Variants in CSMD3 observed in about 807,000 individuals in gnomAD.
The protein encoded by CSMD3 is CUB and sushi domain-containing protein 3.
In CSMD3, 177 loss-of-function variants were observed where a neutral mutation model predicts 435.2. The observed-to-expected ratio is 0.41, with a 90% CI of 0.36 to 0.46. The LOEUF (loss-of-function observed/expected upper bound fraction) is 0.46, where lower values mean the gene tolerates loss of function less well. Ranked by LOEUF, CSMD3 falls within the 20% of genes least tolerant of loss-of-function variation. CSMD3 has a pLI of 0.34. For synonymous variants in CSMD3, 1,656 were observed against 1,520.5 expected, an observed-to-expected ratio of 1.09 and a Z score of -2.07; for missense variants, 4,265 against 4,504.6, an observed-to-expected ratio of 0.95 and a Z score of 1.52.
intron 24 of CSMD3, among the ~76,000 whole-genome samples, chr8:112,558,534 C>T (rs763445109): frequency 5.9e-5 from 9 of 151,768 alleles, no homozygotes; most frequent in Non-Finnish European, 8.8e-5. Context: ...CTGAAGGCTC[C>T]CATGTCATAT....
At chr8:113,170,916 G>A (rs2092256479) in intron 4 of CSMD3, among the ~76,000 whole-genome samples, 1 of 151,846 alleles carries the variant, frequency 6.6e-6, no homozygotes, top group Non-Finnish European at 1.5e-5. Context: ...AGTTAGAGTG[G>A]TGGTCAAATC....
At chr8:113,284,284 A>C (rs6993801) in intron 2 of CSMD3, among the ~76,000 whole-genome samples, 20,630 of 152,070 alleles carry the variant, frequency 0.14, 2,516 homozygotes, top group African/African-American at 0.32. Context: ...TGCTTCTGTC[A>C]ATGTATGTCA....
intron 63 of CSMD3, 86 bp from the exon 64 acceptor site, chr8:112,247,217 C>A: frequency 1.2e-6 from 1 of 803,236 alleles, no homozygotes; most frequent in Non-Finnish European, 2.2e-6. Flanking sequence ...AAAATGTTAT[C>A]AAGTGAAATT....
At chr8:113,030,494 C>G (rs1036308701) in intron 5 of CSMD3, among the ~76,000 whole-genome samples, 2 of 145,392 alleles carry the variant, frequency 1.4e-5, no homozygotes, top group East Asian at 2.0e-4. Context: ...AGAAATAAAC[C>G]CAAATCCTTA....
chr8:112,458,437 T>C (rs1368753758), intron 32 of CSMD3, among the ~76,000 whole-genome samples: 1 of 152,064 alleles, frequency 6.6e-6, no homozygotes, highest in Non-Finnish European at 1.5e-5. Flanking sequence ...GAAATGTCTC[T>C]AGAGTAGATA....
At chr8:113,065,549 G>A (rs990977484) in intron 5 of CSMD3, among the ~76,000 whole-genome samples, 1 of 151,962 alleles carries the variant, frequency 6.6e-6, no homozygotes, top group African/African-American at 2.4e-5. Flanking sequence ...ACCACGCCTG[G>A]CTAATTTTTT....
intron 1 of CSMD3, among the ~76,000 whole-genome samples, chr8:113,388,599 G>A (rs16884596): frequency 0.023 from 3,408 of 151,398 alleles, 114 homozygotes; most frequent in African/African-American, 0.077. Flanking sequence ...ACCACACATG[G>A]TAGTTATATT....
At chr8:112,943,917 A>T (rs1160404934) in intron 9 of CSMD3, among the ~76,000 whole-genome samples, 1 of 151,686 alleles carries the variant, frequency 6.6e-6, no homozygotes, top group Non-Finnish European at 1.5e-5. Flanking sequence ...AAGAATTACT[A>T]GCAAGTTCCC....
chr8:112,768,237 TAATA>T (rs1369323463), intron 13 of CSMD3, among the ~76,000 whole-genome samples: 2 of 151,758 alleles, frequency 1.3e-5, no homozygotes, highest in African/African-American at 4.8e-5. Flanking sequence ...AATAAAGATT[TAATA>T]AATATGTCAG....
chr8:112,747,831 C>T (rs1335827599), intron 13 of CSMD3, among the ~76,000 whole-genome samples: 1 of 151,842 alleles, frequency 6.6e-6, no homozygotes, highest in Non-Finnish European at 1.5e-5. Flanking sequence ...GGCGCAGTGG[C>T]GGGCGCCTAT....
chr8:112,711,329 T>C (rs926518819), intron 13 of CSMD3, among the ~76,000 whole-genome samples: 1 of 151,976 alleles, frequency 6.6e-6, no homozygotes, highest in Non-Finnish European at 1.5e-5. Flanking sequence ...AGAGGCACCA[T>C]TAAACAAGCG....
At chr8:112,339,942 G>T (rs541805167) in intron 42 of CSMD3, among the ~76,000 whole-genome samples, 60 of 152,182 alleles carry the variant, frequency 3.9e-4, no homozygotes, top group Non-Finnish European at 7.8e-4. Context: ...CAGTAACAGT[G>T]AAAAAAGTTT....
At chr8:112,582,281 T>C (rs924488291) in intron 23 of CSMD3, among the ~76,000 whole-genome samples, 2 of 152,048 alleles carry the variant, frequency 1.3e-5, no homozygotes, top group African/African-American at 4.8e-5. Flanking sequence ...ATTGTGAGCT[T>C]CCTGAGGTCC....
At chr8:112,676,015 G>A (rs185875161) in intron 16 of CSMD3, among the ~76,000 whole-genome samples, 1 of 152,180 alleles carries the variant, frequency 6.6e-6, no homozygotes, top group South Asian at 2.1e-4. Context: ...GATAAAGACC[G>A]AAGAATTTTG....
At chr8:112,501,791 T>G (rs2130905110) in intron 30 of CSMD3, among the ~76,000 whole-genome samples, 1 of 152,316 alleles carries the variant, frequency 6.6e-6, no homozygotes, top group South Asian at 2.1e-4. Flanking sequence ...CAGAACAACC[T>G]AAATGTCTAT....
chr8:112,293,013 T>G (rs2130694639), intron 54 of CSMD3, among the ~76,000 whole-genome samples: 1 of 152,202 alleles, frequency 6.6e-6, no homozygotes, highest in African/African-American at 2.4e-5. Context: ...CTCTCTACTT[T>G]ATTGGGGAGG....
At chr8:112,799,206 T>C (rs2078902297) in intron 13 of CSMD3, among the ~76,000 whole-genome samples, 1 of 151,720 alleles carries the variant, frequency 6.6e-6, no homozygotes, top group African/African-American at 2.4e-5. Context: ...CCAAATTTAG[T>C]CACACAAAAA....
chr8:113,346,266 T>G (rs1169757451), intron 1 of CSMD3, among the ~76,000 whole-genome samples: 4 of 152,044 alleles, frequency 2.6e-5, no homozygotes, highest in African/African-American at 9.7e-5. Context: ...TTTATTGGCC[T>G]TTCTTGATAT....
At chr8:112,891,164 T>G (rs1414867496) in intron 10 of CSMD3, among the ~76,000 whole-genome samples, 1 of 151,596 alleles carries the variant, frequency 6.6e-6, no homozygotes, top group Non-Finnish European at 1.5e-5. Context: ...TTTCCTTTAG[T>G]CTCACTACTC....
Sources: allele counts gnomAD v4.1 joint callset (sites outside exome capture counted in the v4.1 genomes callset), GRCh38; gene constraint gnomAD v4.1.1; transcripts MANE v1.5; gene names NCBI Gene and HGNC (gene_info 2026-07-23, HGNC 2026-07-21).